WDR49: variants seen among roughly 807,000 people sequenced by gnomAD.
WDR49 encodes WD repeat domain 49.
Under a neutral mutation model 119.5 loss-of-function variants are expected in WDR49, and 107 were observed. The ratio of observed to expected loss-of-function variants is 0.90; its 90% confidence interval spans 0.77 to 1.05. WDR49 has a LOEUF of 1.05. Ranked by LOEUF, WDR49 falls within the 50% of genes least tolerant of loss-of-function variation. WDR49 has a pLI of 0.00. For missense variants in WDR49, 1,240 were observed against 1,220.5 expected (o/e 1.02, Z -0.24); for synonymous variants, 425 against 418.8 (o/e 1.01, Z -0.18).
intron 7 of WDR49, among the ~76,000 whole-genome samples, chr3:167,585,357 C>T (rs1458743536): frequency 2.7e-5 from 4 of 150,090 alleles, no homozygotes; most frequent in Non-Finnish European, 5.9e-5. Context: ...AAACTTATTA[C>T]AAAAACATTA....
At position 167,527,672 on chromosome 3, in the gene WDR49, G is replaced by A. The variant is rs1287321308; in HGVS notation, c.2604+148C>T. On this transcript the variant is annotated intron_variant, in intron 15 of 18. Transcript: ENST00000682715. The stretch of plus-strand genomic sequence containing the variant: ...TTGGTTAATGGAAAACAGGGCAAGA[G>A]TCGCCTGGAGCTACTGCTTCGGAAA... The A allele has an allele frequency of 6.4e-6, 5 of 777,776 alleles. No homozygotes were observed. The African/African-American group carries it at 7.0e-5, about 11-fold the overall frequency. The allele number at this position is 777,776 out of a possible 1,614,324, so 48.2% of individuals were successfully genotyped here.
chr3:167,597,897 G>A (rs1407875772), intron 7 of WDR49, among the ~76,000 whole-genome samples: 3 of 152,148 alleles, frequency 2.0e-5, no homozygotes, highest in African/African-American at 7.2e-5. Flanking sequence ...AGGCTCATAG[G>A]CAGAAGGGAC....
At chr3:167,640,820 G>A (rs1257265723) in intron 2 of WDR49, among the ~76,000 whole-genome samples, 1 of 151,712 alleles carries the variant, frequency 6.6e-6, no homozygotes, top group Non-Finnish European at 1.5e-5. Flanking sequence ...GAAAGGATGG[G>A]AGACTCCAAG....
intron 18 of WDR49, among the ~76,000 whole-genome samples, chr3:167,481,458 A>C (rs1326941331): frequency 3.9e-5 from 6 of 152,098 alleles, no homozygotes; most frequent in African/African-American, 1.4e-4. Flanking sequence ...GAAACCTAGA[A>C]TATAGAAATG....
At chr3:167,616,489 C>T (rs1471726176) in intron 5 of WDR49, among the ~76,000 whole-genome samples, 1 of 152,056 alleles carries the variant, frequency 6.6e-6, no homozygotes, top group African/African-American at 2.4e-5. Context: ...AAACTATCAG[C>T]ACACAGAGCA....
At chr3:167,620,930 A>G (rs938687046) in intron 4 of WDR49, among the ~76,000 whole-genome samples, 2 of 152,160 alleles carry the variant, frequency 1.3e-5, no homozygotes, top group Non-Finnish European at 1.5e-5. Context: ...TTCAGTAAGT[A>G]ATAATTTTTC....
At chr3:167,534,511 T>C (rs1333015365) in intron 11 of WDR49, among the ~76,000 whole-genome samples, 3 of 152,138 alleles carry the variant, frequency 2.0e-5, no homozygotes, top group Admixed American at 6.5e-5. Flanking sequence ...ACCTACAGAG[T>C]TGGCCTTACT....
intron 10 of WDR49, among the ~76,000 whole-genome samples, chr3:167,546,691 CAAAA>C (rs577403777): frequency 1.1e-5 from 1 of 91,060 alleles, no homozygotes; most frequent in Admixed American, 1.2e-4. Context: ...CTGTCAAGTG[CAAAA>C]AAAAAAAAAA....
chr3:167,481,463 G>A (rs956026881), intron 18 of WDR49, among the ~76,000 whole-genome samples: 1 of 151,662 alleles, frequency 6.6e-6, no homozygotes, highest in African/African-American at 2.4e-5. Flanking sequence ...CTAGAATATA[G>A]AAATGAGAAA....
intron 2 of WDR49, among the ~76,000 whole-genome samples, chr3:167,639,836 C>T (rs933637417): frequency 1.3e-5 from 2 of 151,686 alleles, no homozygotes; most frequent in African/African-American, 4.8e-5. Context: ...TCTGGCAAAA[C>T]ACAGCATTGG....
At position 167,555,153 on chromosome 3, in the gene WDR49, C is replaced by T. The variant is rs537752281; in HGVS notation, c.1675-355G>A. On this transcript the variant is annotated intron_variant, in intron 9 of 18. Transcript: ENST00000682715. Reference sequence around the variant, plus strand: ...GAAATTTCAGCCCCACCCTGAAACCCCTAGGGAGCAGAGAGAAGTTTAAAG... The same window carrying T: ...GAAATTTCAGCCCCACCCTGAAACCTCTAGGGAGCAGAGAGAAGTTTAAAG... Among the ~76,000 whole-genome samples the T allele has an allele frequency of 2.0e-5, 3 of 152,148 alleles. No individual in the cohort carries two copies. The South Asian group carries it at 6.2e-4, about 32-fold the overall frequency.
In WDR49 at chr3:167,527,829, G is replaced by C. The variant is rs1206561637; in HGVS notation, c.2595C>G (p.Ile865Met). ...VTGVCNAPVWIFGQAKHWHIE... is the reference protein window; with the variant it reads ...VTGVCNAPVWMFGQAKHWHIE... ...GAAGCAATATTTCTACCTGACCAAA[G>C]ATCCAAACAGGAGCATTGCAGACAC... Residue 865 changes from isoleucine (I) to methionine (M), a missense_variant, in exon 15 of 19, where the codon ATC becomes ATG. Coordinates refer to ENST00000682715, the MANE Select transcript of WDR49 (RefSeq NM_001366157.1). 6.2e-7 allele frequency: 1 copy of C among 1,612,376 alleles called. No homozygotes were observed. Among genetic ancestry groups the C allele is most frequent in the Non-Finnish European group, 8.5e-7 (1 of 1,179,188 alleles).
intron 8 of WDR49, among the ~76,000 whole-genome samples, chr3:167,561,797 T>A (rs1472412108): frequency 6.6e-6 from 1 of 151,994 alleles, no homozygotes; most frequent in Non-Finnish European, 1.5e-5. Context: ...CAAAATTGAG[T>A]TTGTAATCAG....
intron 5 of WDR49, among the ~76,000 whole-genome samples, chr3:167,608,266 T>A (rs146484638): frequency 4.1e-4 from 63 of 152,328 alleles, no homozygotes; most frequent in African/African-American, 1.4e-3. Flanking sequence ...CATAATACTA[T>A]AATTATATCT....
chr3:167,612,619 T>A, intron 5 of WDR49, among the ~76,000 whole-genome samples: 1 of 150,612 alleles, frequency 6.6e-6, no homozygotes, highest in South Asian at 2.1e-4. Flanking sequence ...AAATCAGAAA[T>A]GAAAAAGGAG....
At chr3:167,522,006 A>T (rs1752462845) in intron 16 of WDR49, among the ~76,000 whole-genome samples, 1 of 147,162 alleles carries the variant, frequency 6.8e-6, no homozygotes, top group African/African-American at 2.5e-5. Flanking sequence ...AGATAGATAG[A>T]TAGATAGATA....
intron 9 of WDR49, among the ~76,000 whole-genome samples, chr3:167,557,367 T>C (rs1393486181): frequency 6.6e-6 from 1 of 152,202 alleles, no homozygotes; most frequent in East Asian, 1.9e-4. Flanking sequence ...TTCAAGCATA[T>C]TCTTGCAGCA....
chr3:167,606,201 T>C (rs1422022703), intron 5 of WDR49, among the ~76,000 whole-genome samples: 1 of 152,166 alleles, frequency 6.6e-6, no homozygotes, highest in African/African-American at 2.4e-5. Context: ...TCCATAGTTC[T>C]TAAAATTTGG....
chr3:167,508,950 C>A (rs1751871114), intron 16 of WDR49, among the ~76,000 whole-genome samples: 1 of 152,156 alleles, frequency 6.6e-6, no homozygotes, highest in Non-Finnish European at 1.5e-5. Flanking sequence ...TAATCAATAG[C>A]ATTTAAATAA....
Sources: allele counts gnomAD v4.1 joint callset (sites outside exome capture counted in the v4.1 genomes callset), GRCh38; gene constraint gnomAD v4.1.1; transcripts MANE v1.5; gene names NCBI Gene and HGNC (gene_info 2026-07-23, HGNC 2026-07-21).